The following TENM3 variants were observed in gnomAD, a reference collection of about 807,000 sequenced individuals.
TENM3 encodes teneurin transmembrane protein 3, also known as teneurin-3.
Under a neutral mutation model 255.1 loss-of-function variants are expected in TENM3, and 63 were observed. That is an observed-to-expected ratio of 0.25 (90% CI 0.20 to 0.30). TENM3 has a LOEUF of 0.30. Ranked by LOEUF, TENM3 falls within the 10% of genes least tolerant of loss-of-function variation. The pLI is 1.00. For missense variants in TENM3, 2,929 were observed against 3,461.1 expected, an observed-to-expected ratio of 0.85 and a Z score of 3.86; for synonymous variants, 1,306 against 1,322.3, an observed-to-expected ratio of 0.99 and a Z score of 0.27.
intron 5 of TENM3, among the ~76,000 whole-genome samples, chr4:182,645,923 C>T (rs77895167): frequency 0.014 from 2,112 of 152,230 alleles, 50 homozygotes; most frequent in African/African-American, 0.046. Context: ...GGCGTGAATA[C>T]CAGAAGACAG....
chr4:182,664,262 CA>C (rs1245875127), intron 6 of TENM3, among the ~76,000 whole-genome samples: 1 of 152,138 alleles, frequency 6.6e-6, no homozygotes, highest in Non-Finnish European at 1.5e-5. Flanking sequence ...CAAACTTTTT[CA>C]TTATTATTAG....
At chr4:182,329,609 T>C (rs6552553) in intron 2 of TENM3, among the ~76,000 whole-genome samples, 85,239 of 151,944 alleles carry the variant, frequency 0.56, 24,375 homozygotes, top group Admixed American at 0.69. Context: ...AAATGAACAA[T>C]GGAGATAAGA....
chr4:182,114,112 T>C, the TENM3 span, among the ~76,000 whole-genome samples: 41,966 of 152,104 alleles, frequency 0.28, 6,385 homozygotes, highest in East Asian at 0.52. Context: ...CTCATTTCAA[T>C]AGGAAGACTC....
chr4:181,534,896 C>T, the TENM3 span, among the ~76,000 whole-genome samples: 2 of 152,144 alleles, frequency 1.3e-5, no homozygotes, highest in Non-Finnish European at 2.9e-5. Context: ...TCAAAACTTC[C>T]CTCCTCTCTT....
chr4:182,055,049 G>A, the TENM3 span, among the ~76,000 whole-genome samples: 20 of 152,210 alleles, frequency 1.3e-4, no homozygotes, highest in East Asian at 5.8e-4. Context: ...ACTTCCTTCC[G>A]TCTCTATGGA....
chr4:182,277,654 C>G (rs765692368), intron 1 of TENM3, among the ~76,000 whole-genome samples: 49 of 152,272 alleles, frequency 3.2e-4, no homozygotes, highest in Admixed American at 8.5e-4. Flanking sequence ...AGCAGTACGG[C>G]GTTGCCTTAT....
chr4:182,306,204 CT>C (rs1008629788), intron 1 of TENM3, among the ~76,000 whole-genome samples: 6 of 149,846 alleles, frequency 4.0e-5, no homozygotes, highest in East Asian at 2.0e-4. Context: ...CTTTTTTTTT[CT>C]TTTTTTTTGA....
At chr4:181,811,357 A>G in the TENM3 span, among the ~76,000 whole-genome samples, 6 of 152,196 alleles carry the variant, frequency 3.9e-5, no homozygotes, top group Non-Finnish European at 8.8e-5. Context: ...TCTCTTCTCA[A>G]TTATGGCCCA....
intron 3 of TENM3, among the ~76,000 whole-genome samples, chr4:182,358,420 A>T (rs1765714435): frequency 6.6e-6 from 1 of 151,654 alleles, no homozygotes; most frequent in African/African-American, 2.4e-5. Context: ...GTTCTCCTTG[A>T]AGAGGTCCTT....
chr4:182,517,528 C>T (rs1273702017), intron 3 of TENM3, among the ~76,000 whole-genome samples: 3 of 146,588 alleles, frequency 2.0e-5, no homozygotes, highest in South Asian at 4.3e-4. Flanking sequence ...GGACTACAGG[C>T]GCCCGCTACC....
At chr4:182,751,705 A>T (rs1762383347) in intron 19 of TENM3, 95 bp from the exon 20 acceptor site, 1 of 831,916 alleles carries the variant, frequency 1.2e-6, no homozygotes, top group East Asian at 2.4e-5. Context: ...CCAGACTATA[A>T]TCAGTTTCTC....
chr4:182,703,560 A>C (rs1042883538), intron 12 of TENM3, among the ~76,000 whole-genome samples: 2 of 152,248 alleles, frequency 1.3e-5, no homozygotes, highest in Non-Finnish European at 2.9e-5. Flanking sequence ...AGGCTGAGAA[A>C]AGTGTATACA....
intron 3 of TENM3, among the ~76,000 whole-genome samples, chr4:182,415,433 G>C (rs900768074): frequency 6.6e-6 from 1 of 152,272 alleles, no homozygotes; most frequent in South Asian, 2.1e-4. Context: ...ATTGGAAAGA[G>C]GTAATATACA....
chr4:181,844,985 G>A, the TENM3 span, among the ~76,000 whole-genome samples: 2 of 152,138 alleles, frequency 1.3e-5, no homozygotes, highest in Non-Finnish European at 2.9e-5. Flanking sequence ...CAATTTATTA[G>A]TGTTATTTAA....
the TENM3 span, among the ~76,000 whole-genome samples, chr4:181,859,314 C>A: frequency 3.4e-5 from 5 of 147,934 alleles, no homozygotes; most frequent in Non-Finnish European, 3.0e-5. Flanking sequence ...GATATGATAG[C>A]TTTTATCAAG....
At chr4:181,905,526 G>A in the TENM3 span, among the ~76,000 whole-genome samples, 1 of 141,878 alleles carries the variant, frequency 7.0e-6, no homozygotes, top group African/African-American at 2.6e-5. Context: ...TGCAGATAAT[G>A]AGCTGAGCTT....
the TENM3 span, among the ~76,000 whole-genome samples, chr4:181,658,871 T>A: frequency 1.3e-5 from 2 of 152,190 alleles, no homozygotes; most frequent in African/African-American, 4.8e-5. Context: ...CAGGACACTC[T>A]ACCCCAGTTC....
chr4:181,874,497 T>C, the TENM3 span: 1 of 152,280 alleles, frequency 6.6e-6, no homozygotes, highest in African/African-American at 2.4e-5. Context: ...AAAATGTCTC[T>C]CTTTCACCCT....
intron 3 of TENM3, among the ~76,000 whole-genome samples, chr4:182,560,474 G>A (rs1560924089): frequency 6.6e-6 from 1 of 152,116 alleles, no homozygotes. Flanking sequence ...TCCCAGTAAT[G>A]CCAGCAGAAG....
Sources: allele counts gnomAD v4.1 joint callset (sites outside exome capture counted in the v4.1 genomes callset), GRCh38; gene constraint gnomAD v4.1.1; transcripts MANE v1.5; gene names NCBI Gene and HGNC (gene_info 2026-07-23, HGNC 2026-07-21).